LRTM3: variants seen among roughly 807,000 people sequenced by gnomAD.
LRTM3 encodes the protein leucine-rich repeat transmembrane protein 3.
chr13:102,732,216 T>C, the LRTM3 span: 1 of 1,551,442 alleles, frequency 6.4e-7, no homozygotes, highest in Non-Finnish European at 8.7e-7. Context: ...TCTAGGTTTG[T>C]CTTAGGGTCA....
the LRTM3 span, among the ~76,000 whole-genome samples, chr13:102,756,029 G>T: frequency 6.7e-6 from 1 of 148,588 alleles, no homozygotes; most frequent in Non-Finnish European, 1.5e-5. Context: ...GTGCAATCTC[G>T]TCTCACTGCA....
chr13:102,744,179 A>G, the LRTM3 span: 4 of 1,550,532 alleles, frequency 2.6e-6, 1 homozygote, highest in Admixed American at 3.9e-5. Context: ...AGAATATCTT[A>G]TGATATTAAA....
the LRTM3 span, chr13:102,738,196 G>A: frequency 6.4e-7 from 1 of 1,550,852 alleles, no homozygotes; most frequent in Non-Finnish European, 8.7e-7. Flanking sequence ...GATGCATTAT[G>A]TCTTTCTTAG....
the LRTM3 span, chr13:102,731,308 A>C: frequency 1.3e-6 from 2 of 1,551,372 alleles, no homozygotes; most frequent in Non-Finnish European, 1.7e-6. Flanking sequence ...TCATTGTTTT[A>C]TGTCTAGAAT....
At chr13:102,746,508 A>G in the LRTM3 span, 17 of 1,550,918 alleles carry the variant, frequency 1.1e-5, no homozygotes, top group Non-Finnish European at 1.5e-5. Context: ...ATCTTTTTAA[A>G]CTTAGTCTTA....
At chr13:102,739,150 T>A in the LRTM3 span, 1 of 1,550,076 alleles carries the variant, frequency 6.5e-7, no homozygotes, top group South Asian at 1.2e-5. Context: ...TATTCTGAAC[T>A]ACATTTAGAT....
chr13:102,752,220 C>G, the LRTM3 span, among the ~76,000 whole-genome samples: 1,037 of 152,298 alleles, frequency 6.8e-3, 18 homozygotes, highest in African/African-American at 0.024. Flanking sequence ...CATGCTAAAG[C>G]TGCCATTTTT....
the LRTM3 span, chr13:102,731,683 T>C: frequency 1.9e-6 from 3 of 1,551,430 alleles, no homozygotes; most frequent in East Asian, 4.9e-5. Context: ...GAAGTAAATG[T>C]TCTGCATTTG....
chr13:102,741,980 C>A, the LRTM3 span: 1 of 1,550,446 alleles, frequency 6.4e-7, no homozygotes, highest in African/African-American at 1.4e-5. Flanking sequence ...TCTAAGAATG[C>A]TGGACATATC....
At chr13:102,755,062 T>G in the LRTM3 span, among the ~76,000 whole-genome samples, 3 of 152,092 alleles carry the variant, frequency 2.0e-5, no homozygotes, top group African/African-American at 7.2e-5. Context: ...AAATCTGATA[T>G]AAGGTCAGCC....
chr13:102,729,399 T>A, the LRTM3 span: 2 of 1,319,688 alleles, frequency 1.5e-6, no homozygotes, highest in East Asian at 5.2e-5. Context: ...TTTCACAGAA[T>A]ATCACAATAG....
the LRTM3 span, chr13:102,738,614 C>T: frequency 1.3e-6 from 2 of 1,550,156 alleles, no homozygotes; most frequent in Non-Finnish European, 1.7e-6. Flanking sequence ...CTTTTTTACA[C>T]TGTTTGAGAT....
At chr13:102,746,208 C>A in the LRTM3 span, 9 of 1,550,822 alleles carry the variant, frequency 5.8e-6, no homozygotes, top group Non-Finnish European at 7.0e-6. Context: ...AGCACTGGGT[C>A]TGATTCAAGA....
the LRTM3 span, chr13:102,748,520 T>G: frequency 3.5e-5 from 55 of 1,550,824 alleles, no homozygotes; most frequent in Non-Finnish European, 4.6e-5. Context: ...AAGTTGAAGA[T>G]GGGAATTTTC....
At chr13:102,734,500 T>A in the LRTM3 span, 1 of 1,551,390 alleles carries the variant, frequency 6.4e-7, no homozygotes, top group East Asian at 2.4e-5. Context: ...CATGCAGTTC[T>A]GTTCTGTGGA....
chr13:102,736,919 C>T, the LRTM3 span: 3 of 1,551,118 alleles, frequency 1.9e-6, no homozygotes, highest in Middle Eastern at 1.7e-4. Flanking sequence ...AAGAAAAGAT[C>T]TTGTTACTCC....
At chr13:102,735,113 C>T in the LRTM3 span, 3 of 1,551,150 alleles carry the variant, frequency 1.9e-6, no homozygotes, top group Admixed American at 3.9e-5. Flanking sequence ...ACCTGGCCCA[C>T]TTTTAACTTT....
the LRTM3 span, among the ~76,000 whole-genome samples, chr13:102,757,870 C>T: frequency 2.6e-5 from 4 of 152,112 alleles, no homozygotes; most frequent in Non-Finnish European, 4.4e-5. Context: ...CCAGTGTTGG[C>T]GTCCACTATA....
chr13:102,749,571 T>C, the LRTM3 span: 2 of 1,551,390 alleles, frequency 1.3e-6, no homozygotes, highest in South Asian at 1.2e-5. Context: ...GCCTCAACAA[T>C]TGATGGAACT....
Sources: gnomAD v4.1 joint callset for allele counts (sites outside exome capture counted in the v4.1 genomes callset) on GRCh38, gnomAD v4.1.1 for gene constraint, MANE v1.5 for transcripts, NCBI Gene and HGNC (gene_info 2026-07-23, HGNC 2026-07-21) for gene names.